Variants in ZBTB20 observed in about 807,000 individuals in gnomAD.
ZBTB20 encodes the protein zinc finger and BTB domain-containing protein 20.
ZBTB20 carries 9 observed loss-of-function variants against 56.9 expected under a neutral mutation model. The observed-to-expected ratio is 0.16, with a 90% CI of 0.10 to 0.28. The LOEUF is 0.28. ZBTB20 is among the 10% of genes least tolerant of loss of function. The pLI, the probability that ZBTB20 is intolerant of heterozygous loss-of-function variation, is 1.00. For missense variants in ZBTB20, 655 were observed against 1,003.0 expected, an observed-to-expected ratio of 0.65 and a Z score of 4.69; for synonymous variants, 417 against 420.7, an observed-to-expected ratio of 0.99 and a Z score of 0.11.
In ZBTB20 at chr3:114,759,942, C is replaced by A. The variant is rs1054774225; in HGVS notation, c.-343+41159G>T. ...TTTCTGTGTGGCTCAACCAAATAATCAGTAATTGACAACACACTTGAGTCC... is the reference window on the plus strand; with the variant it reads ...TTTCTGTGTGGCTCAACCAAATAATAAGTAATTGACAACACACTTGAGTCC... On this transcript the variant is annotated intron_variant, in intron 5 of 11. Coordinates refer to ENST00000675478, the MANE Select transcript of ZBTB20 (RefSeq NM_001348800.3). Among the ~76,000 whole-genome samples, 3 of 152,134 alleles carry A rather than the reference C, an allele frequency of 2.0e-5. No homozygotes were observed. The South Asian group carries it at 6.2e-4, about 32-fold the overall frequency.
intron 5 of ZBTB20, among the ~76,000 whole-genome samples, chr3:114,778,004 C>T (rs1352119662): frequency 6.8e-6 from 1 of 146,558 alleles, no homozygotes; most frequent in Admixed American, 7.0e-5. Context: ...GACAAAAAAC[C>T]AAACACTGCA....
intron 5 of ZBTB20, among the ~76,000 whole-genome samples, chr3:114,799,936 A>G (rs748167278): frequency 6.6e-6 from 1 of 151,958 alleles, no homozygotes; most frequent in African/African-American, 2.4e-5. Context: ...CAAGAACTAC[A>G]GTCAATAAAG....
At chr3:114,403,615 C>T (rs936473221) in intron 7 of ZBTB20, among the ~76,000 whole-genome samples, 7 of 151,740 alleles carry the variant, frequency 4.6e-5, no homozygotes, top group Admixed American at 1.3e-4. Context: ...ATCTAGTGAG[C>T]GTCTCCATAT....
In ZBTB20 at chr3:114,350,656, C is replaced by G; in HGVS notation, c.1422G>C (p.Gln474His). The G allele has an allele frequency of 6.2e-7, 1 of 1,614,174 alleles. No individual in the cohort carries two copies. Among genetic ancestry groups the G allele is most frequent in the Non-Finnish European group, 8.5e-7 (1 of 1,180,034 alleles). Residue 474 changes from glutamine (Q) to histidine (H), a missense_variant, in exon 11 of 12, where the codon CAG becomes CAC. Gln to His is a conservative substitution (Grantham distance 24, BLOSUM62 0). Coordinates refer to ENST00000675478, the MANE Select transcript of ZBTB20 (RefSeq NM_001348800.3). The part of the protein sequence containing the change: ...TSIGQPLPST[Q>H]LYLRQTETLT... ...GGGTTTCTGTCTGGCGTAAGTAGAG[C>G]TGGGTACTTGGCAATGGCTGCCCGA...
chr3:114,541,670 C>A (rs541029119), intron 6 of ZBTB20, among the ~76,000 whole-genome samples: 1 of 152,044 alleles, frequency 6.6e-6, no homozygotes, highest in Non-Finnish European at 1.5e-5. Context: ...ACCTACAGAC[C>A]TTTTCTTCAA....
At chr3:115,011,911 A>G (rs755718958) in intron 2 of ZBTB20, among the ~76,000 whole-genome samples, 4 of 151,868 alleles carry the variant, frequency 2.6e-5, no homozygotes, top group Non-Finnish European at 5.9e-5. Flanking sequence ...AAGCTAGTGG[A>G]CAAGGTTAAT....
chr3:114,994,931 C>T (rs1335993307), intron 2 of ZBTB20, among the ~76,000 whole-genome samples: 1 of 151,844 alleles, frequency 6.6e-6, no homozygotes, highest in African/African-American at 2.4e-5. Flanking sequence ...TAGCTCATGG[C>T]CCACCTGTGA....
At chr3:114,595,350 A>G (rs2056222939) in intron 6 of ZBTB20, among the ~76,000 whole-genome samples, 1 of 152,228 alleles carries the variant, frequency 6.6e-6, no homozygotes, top group Non-Finnish European at 1.5e-5. Context: ...TTCTGATGAG[A>G]AACTAAAGGT....
chr3:114,599,555 A>G (rs2056598692), intron 6 of ZBTB20, among the ~76,000 whole-genome samples: 1 of 152,078 alleles, frequency 6.6e-6, no homozygotes, highest in African/African-American at 2.4e-5. Context: ...AAATTAAAGA[A>G]TTTTCCTACC....
intron 6 of ZBTB20, among the ~76,000 whole-genome samples, chr3:114,657,374 CT>C (rs1338005510): frequency 6.6e-6 from 1 of 152,174 alleles, no homozygotes; most frequent in Non-Finnish European, 1.5e-5. Flanking sequence ...ACCCTTCTAA[CT>C]TTGTAAACTC....
intron 7 of ZBTB20, among the ~76,000 whole-genome samples, chr3:114,459,340 T>C (rs1415878781): frequency 6.6e-6 from 1 of 152,180 alleles, no homozygotes; most frequent in Non-Finnish European, 1.5e-5. Flanking sequence ...AACTAGTCCA[T>C]ATTTCCTTTT....
At chr3:114,813,145 G>T (rs2072678162) in intron 4 of ZBTB20, among the ~76,000 whole-genome samples, 1 of 152,244 alleles carries the variant, frequency 6.6e-6, no homozygotes, top group Non-Finnish European at 1.5e-5. Flanking sequence ...TGCCGCCAAA[G>T]TGGGAGCCCA....
intron 1 of ZBTB20, among the ~76,000 whole-genome samples, chr3:115,079,564 T>C (rs899154310): frequency 6.6e-6 from 1 of 152,114 alleles, no homozygotes; most frequent in African/African-American, 2.4e-5. Context: ...AATTTTTGTA[T>C]TATTGGTAGA....
intron 6 of ZBTB20, among the ~76,000 whole-genome samples, chr3:114,544,030 C>G (rs2049427922): frequency 6.6e-6 from 1 of 152,220 alleles, no homozygotes; most frequent in Non-Finnish European, 1.5e-5. Flanking sequence ...CTACTATTCT[C>G]TGGCACTGTG....
In ZBTB20 at chr3:114,335,317, A is replaced by C. The variant is rs536289683; in HGVS notation, c.*3688T>G. ...AAGAAATTTTTTTAGCACTCATATCACCCTACCATGAAGGTCTAAATGTAA... is the reference window on the plus strand; with the variant it reads ...AAGAAATTTTTTTAGCACTCATATCCCCCTACCATGAAGGTCTAAATGTAA... On this transcript the variant is annotated 3_prime_UTR_variant, in exon 12 of 12. Coordinates refer to ENST00000675478, the MANE Select transcript of ZBTB20 (RefSeq NM_001348800.3). 1 of 152,166 alleles carries C rather than the reference A, an allele frequency of 6.6e-6. No individual in the cohort carries two copies. The highest frequency in any genetic ancestry group is 1.9e-4 in the East Asian group (1 of 5,180). 9.4% of individuals were successfully genotyped at this position (152,166 alleles called of 1,614,324 possible).
At chr3:114,463,117 G>A (rs756193906) in intron 7 of ZBTB20, among the ~76,000 whole-genome samples, 6 of 152,122 alleles carry the variant, frequency 3.9e-5, no homozygotes, top group Non-Finnish European at 7.4e-5. Context: ...ACATTTCATA[G>A]ATTTTTCATT....
intron 7 of ZBTB20, among the ~76,000 whole-genome samples, chr3:114,401,083 GACACACACACAC>G (rs201829025): frequency 7.5e-6 from 1 of 133,020 alleles, no homozygotes; most frequent in South Asian, 2.6e-4. Context: ...CTACCTCCCA[GACACACACACAC>G]ACACACACAC....
intron 3 of ZBTB20, chr3:114,931,432 C>A: frequency 4.9e-6 from 1 of 203,164 alleles, no homozygotes; most frequent in South Asian, 1.0e-4. Flanking sequence ...GAATTCTGCA[C>A]CCGAGGCAGA....
In ZBTB20 at chr3:114,315,781, G is replaced by C. The variant is rs1181667602; in HGVS notation, c.*23224C>G. 6.6e-6 allele frequency: 1 copy of C among 152,174 alleles called. No homozygotes were observed. The highest frequency in any genetic ancestry group is 1.5e-5 in the Non-Finnish European group (1 of 68,118). The allele number at this position is 152,174 out of a possible 1,614,324, so 9.4% of individuals were successfully genotyped here. ...CAGTCACCACAGTAAACTTCATTGA[G>C]AACATACATGCCCAGATATCTCTTC... On this transcript the variant is annotated 3_prime_UTR_variant, in exon 12 of 12. Coordinates refer to ENST00000675478, the MANE Select transcript of ZBTB20 (RefSeq NM_001348800.3).
Sources: gnomAD v4.1 joint callset for allele counts (sites outside exome capture counted in the v4.1 genomes callset) on GRCh38, gnomAD v4.1.1 for gene constraint, MANE v1.5 for transcripts, NCBI Gene and HGNC (gene_info 2026-07-23, HGNC 2026-07-21) for gene names.